Variants in SP100 observed in about 807,000 individuals in gnomAD.
SP100 encodes nuclear autoantigen Sp-100.
SP100 carries 84 observed loss-of-function variants against 130.0 expected under a neutral mutation model. That is an observed-to-expected ratio of 0.65 (90% CI 0.54 to 0.77). The LOEUF (loss-of-function observed/expected upper bound fraction) is 0.77, where lower values mean the gene tolerates loss of function less well. SP100 is among the 30% of genes least tolerant of loss of function. The probability of loss-of-function intolerance (pLI) is 0.00; values close to 1 mark genes in which losing one functional copy is unlikely to be tolerated. For synonymous variants in SP100, 331 were observed against 351.7 expected, an observed-to-expected ratio of 0.94 and a Z score of 0.66; for missense variants, 978 against 1,052.2, an observed-to-expected ratio of 0.93 and a Z score of 0.97.
intron 2 of SP100, among the ~76,000 whole-genome samples, chr2:230,418,875 C>T (rs1179362019): frequency 6.6e-6 from 1 of 152,086 alleles, no homozygotes; most frequent in African/African-American, 2.4e-5. Context: ...GAACTCTTGA[C>T]ATCTGAGGGA....
chr2:230,475,898 G>T (rs985109025), intron 17 of SP100, among the ~76,000 whole-genome samples: 1 of 152,112 alleles, frequency 6.6e-6, no homozygotes, highest in African/African-American at 2.4e-5. Context: ...TGGTCTATGT[G>T]TCTGTTTTTG....
At chr2:230,538,361 G>A (rs1374413912) in intron 24 of SP100, 3 of 152,094 alleles carry the variant, frequency 2.0e-5, no homozygotes, top group African/African-American at 7.2e-5. Flanking sequence ...CAGAAACCTT[G>A]ACCCAGCAGC....
chr2:230,449,001 C>T (rs938190833), intron 5 of SP100, 87 bp from the exon 6 acceptor site: 37 of 860,470 alleles, frequency 4.3e-5, no homozygotes, highest in African/African-American at 1.5e-4. Context: ...TTAACTCCTA[C>T]GTTACAGAGA....
chr2:230,523,062 G>A (rs1332911103), intron 24 of SP100, among the ~76,000 whole-genome samples: 1 of 152,040 alleles, frequency 6.6e-6, no homozygotes, highest in African/African-American at 2.4e-5. Flanking sequence ...TGATCCACCT[G>A]CCTCAGCCTC....
chr2:230,499,284 C>T lies in SP100; in HGVS notation c.1720+749C>T, dbSNP rs1359695306. On this transcript the variant is annotated intron_variant, in intron 19 of 28. Transcript: ENST00000340126. ...GTACAACTTGCAGATGATTCTGGAA[C>T]TCTGATGAGCTGTTCTTTCAGCCAG... is the stretch of plus-strand genomic sequence containing the variant. Among the ~76,000 whole-genome samples, 3 of 151,272 alleles carry T rather than the reference C, an allele frequency of 2.0e-5. No individual in the cohort carries two copies. The South Asian group carries it at 6.3e-4, about 32-fold the overall frequency.
At chr2:230,486,938 G>T (rs549585161) in intron 17 of SP100, among the ~76,000 whole-genome samples, 1 of 152,316 alleles carries the variant, frequency 6.6e-6, no homozygotes, top group African/African-American at 2.4e-5. Context: ...GTGATGTTGA[G>T]CTTGTTTTCA....
At position 230,503,081 on chromosome 2, in the gene SP100, C is replaced by T. The variant is rs751035099; in HGVS notation, c.1736C>T (p.Thr579Ile). The T allele has an allele frequency of 1.2e-6, 2 of 1,603,828 alleles. No homozygotes were observed. Among genetic ancestry groups the T allele is most frequent in the African/African-American group, 1.3e-5 (1 of 74,556 alleles). Residue 579 changes from threonine to isoleucine, a missense_variant, in exon 20 of 29, where the codon ACT becomes ATT. By Grantham distance (89) the Thr-to-Ile change is moderately conservative. Coordinates refer to ENST00000340126, the MANE Select transcript of SP100 (RefSeq NM_001080391.2). The part of the protein sequence containing the change: ...RWQQRGRKAN[T>I]RPLKRRRKRG... Reference sequence around the variant, plus strand: ...ACTTTCTCAGGAAGAAAAGCCAACACTAGACCTTTGAAAAGAAGAAGAAAA... The same window carrying T: ...ACTTTCTCAGGAAGAAAAGCCAACATTAGACCTTTGAAAAGAAGAAGAAAA...
intron 17 of SP100, among the ~76,000 whole-genome samples, chr2:230,491,178 A>G (rs2066373008): frequency 6.6e-6 from 1 of 152,226 alleles, no homozygotes; most frequent in African/African-American, 2.4e-5. Flanking sequence ...AATGAAGCAC[A>G]TTGACTGTCC....
chr2:230,490,632 C>A (rs1174991946), intron 17 of SP100, among the ~76,000 whole-genome samples: 1 of 151,900 alleles, frequency 6.6e-6, no homozygotes, highest in African/African-American at 2.4e-5. Context: ...CTGGTACTGG[C>A]TTTTTCTTTA....
intron 27 of SP100, 26 bp from the exon 28 acceptor site, chr2:230,541,866 C>A (rs765806870): frequency 1.9e-6 from 3 of 1,608,816 alleles, no homozygotes; most frequent in South Asian, 1.1e-5. Context: ...GGGCTGATAG[C>A]CTCATTTTGG....
intron 15 of SP100, among the ~76,000 whole-genome samples, chr2:230,472,952 C>T (rs566085980): frequency 1.8e-4 from 28 of 152,312 alleles, no homozygotes; most frequent in Middle Eastern, 6.8e-3. Flanking sequence ...ATCCAAGTGT[C>T]AGAAGGCTCC....
chr2:230,466,999 C>T, intron 12 of SP100, 121 bp from the exon 13 acceptor site: 1 of 704,822 alleles, frequency 1.4e-6, no homozygotes, highest in Non-Finnish European at 2.5e-6. Flanking sequence ...CACGGACATT[C>T]TTGCCCTGAA....
chr2:230,452,442 C>T (rs992539713), intron 8 of SP100, among the ~76,000 whole-genome samples: 1 of 152,160 alleles, frequency 6.6e-6, no homozygotes, highest in African/African-American at 2.4e-5. Flanking sequence ...CTCCTAGATG[C>T]TGGGATTACA....
At chr2:230,479,488 C>T (rs2065731394) in intron 17 of SP100, among the ~76,000 whole-genome samples, 1 of 152,144 alleles carries the variant, frequency 6.6e-6, no homozygotes, top group Admixed American at 6.5e-5. Flanking sequence ...TATTGTTCTA[C>T]TTATCTATTT....
chr2:230,544,685 T>C lies in SP100; in HGVS notation c.*1739T>C, dbSNP rs1692265944. ...TAGTAGAGACGGGGTTTCTCCACATTGGTCAGGCTGGTCTTGAACTCCCGA... is the reference window on the plus strand; with the variant it reads ...TAGTAGAGACGGGGTTTCTCCACATCGGTCAGGCTGGTCTTGAACTCCCGA... On this transcript the variant is annotated 3_prime_UTR_variant, in exon 29 of 29. Transcript: ENST00000340126. Among the ~76,000 whole-genome samples, 1 of 152,168 alleles carries C rather than the reference T, an allele frequency of 6.6e-6. No homozygotes were observed. Among genetic ancestry groups the C allele is most frequent in the Non-Finnish European group, 1.5e-5 (1 of 68,032 alleles).
chr2:230,535,906 C>CAAAAAAAAAAAAAAAAAAAAAAAAAAA (rs34684038), intron 24 of SP100, among the ~76,000 whole-genome samples: 1 of 47,572 alleles, frequency 2.1e-5, no homozygotes, highest in Non-Finnish European at 3.3e-5. Context: ...GACTCCATCT[C>CAAAAAAAAAAAAAAAAAAAAAAAAAAA]AAAAAAAAAA....
intron 5 of SP100, 31 bp downstream of exon 5, chr2:230,446,933 A>G: frequency 7.3e-7 from 1 of 1,366,780 alleles, no homozygotes; most frequent in Non-Finnish European, 1.0e-6. Flanking sequence ...GCTTTTTTCT[A>G]AGAGAGGTTA....
intron 12 of SP100, 80 bp from the exon 13 acceptor site, chr2:230,467,040 C>A: frequency 1.0e-6 from 1 of 989,010 alleles, no homozygotes; most frequent in Admixed American, 1.9e-5. Flanking sequence ...TTCCTAGTTT[C>A]CTTTTCATAG....
At chr2:230,485,152 TA>T (rs1402858126) in intron 17 of SP100, among the ~76,000 whole-genome samples, 1 of 151,686 alleles carries the variant, frequency 6.6e-6, no homozygotes, top group Non-Finnish European at 1.5e-5. Flanking sequence ...GGGGTATCAC[TA>T]TGTTGCCTAG....
Sources: allele counts gnomAD v4.1 joint callset (sites outside exome capture counted in the v4.1 genomes callset), GRCh38; gene constraint gnomAD v4.1.1; transcripts MANE v1.5; gene names NCBI Gene and HGNC (gene_info 2026-07-23, HGNC 2026-07-21).